MAST3: variants seen among roughly 807,000 people sequenced by gnomAD.
MAST3 encodes microtubule associated serine/threonine kinase 3, also known as microtubule-associated serine/threonine-protein kinase 3.
In MAST3, 43 loss-of-function variants were observed where a neutral mutation model predicts 127.0. The ratio of observed to expected loss-of-function variants is 0.34; its 90% CI spans 0.27 to 0.44. The LOEUF (loss-of-function observed/expected upper bound fraction) is 0.44. Among genes scored for constraint, MAST3 ranks in the 20% least tolerant of loss-of-function variants. The pLI, the probability that MAST3 is intolerant of heterozygous loss-of-function variation, is 1.00. For missense variants in MAST3, 1,390 were observed against 1,919.1 expected, an observed-to-expected ratio of 0.72 and a Z score of 5.15; for synonymous variants, 785 against 809.2, an observed-to-expected ratio of 0.97 and a Z score of 0.51.
At chr19:18,139,564 A>G (rs1474790068) in intron 20 of MAST3, among the ~76,000 whole-genome samples, 1 of 151,304 alleles carries the variant, frequency 6.6e-6, no homozygotes, top group Non-Finnish European at 1.5e-5. Flanking sequence ...ACCTCAGGCT[A>G]TCCTCCTGCC....
chr19:18,138,758 C>T (rs1476106381), intron 19 of MAST3, among the ~76,000 whole-genome samples: 1 of 152,156 alleles, frequency 6.6e-6, no homozygotes, highest in Non-Finnish European at 1.5e-5. Context: ...CTTGGCCTCT[C>T]AAAGTGCTGG....
rs200152112 is a variant in MAST3 at position 18,134,224 on chromosome 19, AT to A, written c.1572-354del. Among the ~76,000 whole-genome samples the A allele has an allele frequency of 1.3e-3, 168 of 132,192 alleles. 1 individual carries two copies. The East Asian group carries it at 0.028, about 22-fold the overall frequency. The allele number at this position is 132,192 out of a possible 152,430, so 86.7% of individuals were successfully genotyped here. A position where few individuals can be genotyped will look rare whatever the true frequency, so the allele number is the denominator to read the frequency against. ...TCTCTACTAAAAGTACACTAAAAAAATATATATATATATACACACACACACA... is the reference window on the plus strand; with the variant it reads ...TCTCTACTAAAAGTACACTAAAAAAAATATATATATATACACACACACACA... On this transcript the variant is annotated intron_variant, in intron 15 of 27. Coordinates refer to ENST00000687212, the MANE Select transcript of MAST3 (RefSeq NM_001393504.1).
chr19:18,110,496 G>C lies in MAST3; in HGVS notation c.72-156G>C. On this transcript the variant is annotated intron_variant, in intron 2 of 27. Coordinates refer to ENST00000687212, the MANE Select transcript of MAST3 (RefSeq NM_001393504.1). The surrounding 1 kb of genome is among the most constrained non-coding windows in gnomAD (Gnocchi z 4.3). ...CTCCGGGGAGCCCTCCCGGGCCATC[G>C]GTCTGGCCCCGCCCTCACGTCCTGA... The C allele has an allele frequency of 6.6e-6, 6 of 913,280 alleles. No individual in the cohort carries two copies. Among genetic ancestry groups the C allele is most frequent in the Non-Finnish European group, 7.9e-6 (6 of 763,736 alleles). 56.6% of individuals were successfully genotyped at this position (913,280 alleles called of 1,614,324 possible). A position where few individuals can be genotyped will look rare whatever the true frequency, so the allele number is the denominator to read the frequency against.
chr19:18,147,370 T>G, intron 26 of MAST3, 73 bp from the exon 27 acceptor site: 1 of 1,391,188 alleles, frequency 7.2e-7, no homozygotes. Flanking sequence ...CTGAAAGTGC[T>G]GGGATTACAG....
At position 18,138,939 on chromosome 19, in the gene MAST3, C is replaced by T. The variant is rs1185679176; in HGVS notation, c.2096-76C>T. On this transcript the variant is annotated intron_variant, in intron 19 of 27. Transcript: ENST00000687212. ...GGCAGTGACCCTATCCTGAGATGCC[C>T]TCCCCGTATTGCCACACCGCCCTTG... 8.1e-6 allele frequency: 8 copies of T among 985,982 alleles called. No individual in the cohort carries two copies. In the East Asian group the frequency reaches 2.1e-4, roughly 26 times the overall value. The allele number at this position is 985,982 out of a possible 1,614,324, so 61.1% of individuals were successfully genotyped here. A position where few individuals can be genotyped will look rare whatever the true frequency, so the allele number is the denominator to read the frequency against.
Position 18,145,304 on chromosome 19 carries a change from G to A in MAST3, c.3039+75G>A. 7.1e-7 allele frequency: 1 copy of A among 1,410,946 alleles called. No individual in the cohort carries two copies. The highest frequency in any genetic ancestry group is 1.0e-6 in the Non-Finnish European group (1 of 1,003,942). 87.4% of individuals were successfully genotyped at this position (1,410,946 alleles called of 1,614,324 possible). A position where few individuals can be genotyped will look rare whatever the true frequency, so the allele number is the denominator to read the frequency against. ...CCCGGTCATGTCCCTTCTCAGAGCT[G>A]CATTTTGGAGCCTGGCAGGGTTAGG... On this transcript the variant is annotated intron_variant, in intron 24 of 27. Coordinates refer to ENST00000687212, the MANE Select transcript of MAST3 (RefSeq NM_001393504.1). The surrounding 1 kb of genome is among the most constrained non-coding windows in gnomAD (Gnocchi z 5.9).
intron 11 of MAST3, among the ~76,000 whole-genome samples, chr19:18,127,563 A>G (rs2040800886): frequency 6.6e-6 from 1 of 152,194 alleles, no homozygotes; most frequent in Non-Finnish European, 1.5e-5. Flanking sequence ...AGGCGCCTGT[A>G]ATCCCAGCCA....
At position 18,124,315 on chromosome 19, in the gene MAST3, C is replaced by G. The variant is rs995220668; in HGVS notation, c.894C>G (p.Val298=). The G allele has an allele frequency of 6.2e-7, 1 of 1,609,910 alleles. No homozygotes were observed. Reference sequence around the variant, plus strand: ...AGGTCAGCTTCATCGTCCAGCTTGTCCGGAAACTGCTGATCATCATCTCAC... The same window carrying G: ...AGGTCAGCTTCATCGTCCAGCTTGTGCGGAAACTGCTGATCATCATCTCAC... ...SEEVSFIVQL[V]RKLLIIISRP... The change falls in exon 10 of 28, where the codon GTC becomes GTG. Residue 298 remains valine (V), a synonymous_variant. Coordinates refer to ENST00000687212, the MANE Select transcript of MAST3 (RefSeq NM_001393504.1).
chr19:18,145,823 G>T lies in MAST3; in HGVS notation c.3120G>T (p.Val1040=). Residue 1040 remains valine, a synonymous_variant, in exon 25 of 28, where the codon GTG becomes GTT. Coordinates refer to ENST00000687212, the MANE Select transcript of MAST3 (RefSeq NM_001393504.1). This position sits in a 1 kb window ranked among gnomAD's most constrained non-coding sequence, Gnocchi z 5.9. The stretch of plus-strand genomic sequence containing the variant: ...TCACCCACATCAACGGGGAGTCAGT[G>T]CTGGGGCTGGTGCACATGGACGTCG... ...DLITHINGES[V]LGLVHMDVVE... 1 of 1,598,350 alleles carries T rather than the reference G, an allele frequency of 6.3e-7. No individual in the cohort carries two copies. The highest frequency in any genetic ancestry group is 8.5e-7 in the Non-Finnish European group (1 of 1,174,244).
chr19:18,139,677 G>A (rs2042237836), intron 20 of MAST3, among the ~76,000 whole-genome samples: 2 of 152,038 alleles, frequency 1.3e-5, no homozygotes, highest in African/African-American at 2.4e-5. Flanking sequence ...TGGCCAGGCT[G>A]GTCTCAAACT....
chr19:18,109,742 G>A (rs1199361538), intron 2 of MAST3, among the ~76,000 whole-genome samples: 1 of 152,206 alleles, frequency 6.6e-6, no homozygotes, highest in Non-Finnish European at 1.5e-5. Context: ...CTGGAAGCCA[G>A]GGACTGGAGG....
Position 18,123,655 on chromosome 19 carries a change from G to T in MAST3, c.633G>T (p.Lys211Asn). ...MNHVYRERFP[K>N]ATAQMEGRLQ... is the part of the protein sequence containing the mutation. ...ACGTGTACCGGGAGAGGTTCCCCAAGGTGGGCAGCGCCTGGCGGCTGGACC... is the reference window on the plus strand; with the variant it reads ...ACGTGTACCGGGAGAGGTTCCCCAATGTGGGCAGCGCCTGGCGGCTGGACC... Residue 211 changes from lysine (K) to asparagine (N), a missense_variant and splice_region_variant, in exon 8 of 28, where the codon AAG becomes AAT. Around this residue, in one of 5 missense-constraint regions of MAST3, gnomAD observed 277 missense variants for 384.8 expected, o/e 0.72. Transcript: ENST00000687212. 1 of 1,571,192 alleles carries T rather than the reference G, an allele frequency of 6.4e-7. No homozygotes were observed. Among genetic ancestry groups the T allele is most frequent in the Non-Finnish European group, 8.6e-7 (1 of 1,160,266 alleles).
At chr19:18,129,723 G>A (rs2041048299) in intron 13 of MAST3, among the ~76,000 whole-genome samples, 1 of 152,040 alleles carries the variant, frequency 6.6e-6, no homozygotes, top group Admixed American at 6.6e-5. Context: ...CCAGGAGTTC[G>A]AGACCAGCCT....
chr19:18,141,486 C>T (rs560210578), intron 20 of MAST3, among the ~76,000 whole-genome samples: 7 of 149,912 alleles, frequency 4.7e-5, no homozygotes, highest in Admixed American at 4.1e-4. Flanking sequence ...CATTCTCCTG[C>T]CTCAGCCTTC....
Position 18,124,044 on chromosome 19 carries a change from A to G in MAST3, c.739A>G (p.Ile247Val), listed in dbSNP as rs1180481055. The G allele has an allele frequency of 1.9e-6, 3 of 1,606,418 alleles. No individual in the cohort carries two copies. In the South Asian group the frequency reaches 3.3e-5, roughly 18 times the overall value. Reference protein sequence around the residue: ...DGVLGFIHHQIVELARDCLAK... With the variant: ...DGVLGFIHHQVVELARDCLAK... ...CGTCTTGGGCTTCATCCACCACCAG[A>G]TCGTCGAGCTGGCCCGAGACTGCTT... The change falls in exon 9 of 28, where the codon ATC (isoleucine) becomes GTC (valine). Residue 247 changes from isoleucine (I) to valine (V), a missense_variant. Transcript: ENST00000687212.
intron 1 of MAST3, among the ~76,000 whole-genome samples, chr19:18,103,316 C>G (rs1278208068): frequency 7.9e-5 from 12 of 152,088 alleles, no homozygotes; most frequent in Admixed American, 5.2e-4. Flanking sequence ...GATGGGAGGA[C>G]TGCTTGAGGT....
intron 21 of MAST3, 89 bp downstream of exon 21, chr19:18,142,104 A>G (rs1235051547): frequency 3.1e-6 from 4 of 1,286,356 alleles, no homozygotes; most frequent in Non-Finnish European, 4.0e-6. Flanking sequence ...GGAGCTTCCT[A>G]GTGGCCAAGT....
intron 20 of MAST3, among the ~76,000 whole-genome samples, chr19:18,139,719 C>G (rs901762155): frequency 3.3e-5 from 5 of 152,184 alleles, no homozygotes; most frequent in Non-Finnish European, 7.4e-5. Context: ...CCTCGGCCTC[C>G]TAAAGCGCTG....
intron 3 of MAST3, among the ~76,000 whole-genome samples, chr19:18,116,090 CTTTT>C (rs3048876): frequency 9.3e-5 from 8 of 86,350 alleles, no homozygotes; most frequent in East Asian, 7.2e-4. Context: ...TTGAAATTAT[CTTTT>C]TTTTTTTTTT....
Sources: gnomAD v4.1 joint callset for allele counts (sites outside exome capture counted in the v4.1 genomes callset) on GRCh38, gnomAD v4.1.1 for gene constraint, gnomAD v4.1.1 regional missense constraint, Gnocchi (gnomAD v3.1) non-coding constraint, MANE v1.5 for transcripts, NCBI Gene and HGNC (gene_info 2026-07-23, HGNC 2026-07-21) for gene names.